The following OTOF variants were observed in gnomAD, a reference collection of about 807,000 sequenced individuals.
OTOF encodes the protein fer-1-like family member 2.
OTOF carries 218 observed loss-of-function variants against 236.8 expected under a neutral mutation model. The ratio of observed to expected loss-of-function variants is 0.92; its 90% CI spans 0.82 to 1.03. OTOF has a LOEUF of 1.03. Ranked by LOEUF, OTOF falls within the 50% of genes least tolerant of loss-of-function variation. OTOF has a pLI of 0.00. For synonymous variants in OTOF, 1,041 were observed against 1,072.5 expected (o/e 0.97, Z 0.57); for missense variants, 2,590 against 2,694.4 (o/e 0.96, Z 0.86).
chr2:26,494,673 A>G (rs1392758227), intron 9 of OTOF, among the ~76,000 whole-genome samples: 1 of 149,222 alleles, frequency 6.7e-6, no homozygotes, highest in African/African-American at 2.5e-5. Context: ...GGGTTCTTTC[A>G]CAGGCACTGC....
At chr2:26,495,561 G>T (rs1665961868) in intron 8 of OTOF, among the ~76,000 whole-genome samples, 1 of 152,154 alleles carries the variant, frequency 6.6e-6, no homozygotes, top group Admixed American at 6.5e-5. Context: ...GAGTAGCTGG[G>T]ATTACAGGCA....
In OTOF at chr2:26,457,821, C is replaced by A. The variant is rs1237373277; in HGVS notation, c.*417G>T. 1.8e-6 allele frequency: 1 copy of A among 566,626 alleles called. No homozygotes were observed. The highest frequency in any genetic ancestry group is 3.1e-6 in the Non-Finnish European group (1 of 319,426). The allele number at this position is 566,626 out of a possible 1,614,324, so 35.1% of individuals were successfully genotyped here. A position where few individuals can be genotyped will look rare whatever the true frequency, so the allele number is the denominator to read the frequency against. ...CCAGGTCCCCACCCCATCCAAGGCT[C>A]CCCAGCCCACAGGCAGGGGTCAGAG... On this transcript the variant is annotated 3_prime_UTR_variant, in exon 47 of 47. Coordinates refer to ENST00000272371, the MANE Select transcript of OTOF (RefSeq NM_194248.3). The surrounding 1 kb of genome is among the most constrained non-coding windows in gnomAD (Gnocchi z 4.4).
At chr2:26,500,433 G>A (rs945376796) in intron 8 of OTOF, among the ~76,000 whole-genome samples, 9 of 152,124 alleles carry the variant, frequency 5.9e-5, no homozygotes, top group South Asian at 4.1e-4. Flanking sequence ...AGTTGGGGTC[G>A]TTGTTCTTTG....
chr2:26,496,985 G>A (rs757157758), intron 8 of OTOF, among the ~76,000 whole-genome samples: 1 of 151,670 alleles, frequency 6.6e-6, no homozygotes, highest in Non-Finnish European at 1.5e-5. Context: ...GGGAGCTTGT[G>A]CATGATACTT....
At chr2:26,529,243 C>T (rs528483908) in intron 2 of OTOF, among the ~76,000 whole-genome samples, 5 of 152,286 alleles carry the variant, frequency 3.3e-5, no homozygotes, top group South Asian at 2.1e-4. Flanking sequence ...GTGGAGAGAC[C>T]GTGTCAGGGA....
chr2:26,463,170 T>C (rs1213728089), intron 41 of OTOF, among the ~76,000 whole-genome samples: 1 of 152,056 alleles, frequency 6.6e-6, no homozygotes, highest in Non-Finnish European at 1.5e-5. Context: ...ATGAGATGCA[T>C]GTGTATGGGC....
chr2:26,525,458 T>C (rs1041656844), intron 3 of OTOF, among the ~76,000 whole-genome samples: 3 of 152,238 alleles, frequency 2.0e-5, no homozygotes, highest in African/African-American at 7.2e-5. Flanking sequence ...GTCTGCTGTC[T>C]TCCAGCAGCC....
chr2:26,479,446 C>T, intron 17 of OTOF, 27 bp downstream of exon 17: 1 of 1,604,744 alleles, frequency 6.2e-7, no homozygotes, highest in East Asian at 2.2e-5. Flanking sequence ...AGGGCCAGGC[C>T]ACAGGAGGAT....
At chr2:26,464,728 G>A (rs906821380) in intron 39 of OTOF, 141 bp downstream of exon 39, 10 of 772,564 alleles carry the variant, frequency 1.3e-5, no homozygotes, top group African/African-American at 1.8e-5. Flanking sequence ...CTGGGGTGAT[G>A]AGCAGAGGGT....
chr2:26,531,344 C>A (rs901798981), intron 2 of OTOF, among the ~76,000 whole-genome samples: 16 of 152,360 alleles, frequency 1.1e-4, no homozygotes, highest in Non-Finnish European at 2.4e-4. Context: ...CTAGCCCTGG[C>A]TCTGCCACTC....
At chr2:26,503,056 G>A (rs1357900828) in intron 6 of OTOF, among the ~76,000 whole-genome samples, 3 of 152,136 alleles carry the variant, frequency 2.0e-5, no homozygotes, top group African/African-American at 7.2e-5. Context: ...TGAAGGGCAC[G>A]GCTGGAATTG....
At chr2:26,474,422 G>C (rs531792088) in intron 26 of OTOF, 91 bp downstream of exon 26, 1 of 693,276 alleles carries the variant, frequency 1.4e-6, no homozygotes, top group East Asian at 6.5e-5. Context: ...CAGACCCCAG[G>C]CCCCAGCCTT....
chr2:26,546,486 C>T (rs1457311229), intron 1 of OTOF, among the ~76,000 whole-genome samples: 1 of 150,270 alleles, frequency 6.7e-6, no homozygotes, highest in African/African-American at 2.4e-5. Flanking sequence ...AAAAAATCCA[C>T]ATATAAGTGG....
At position 26,470,694 on chromosome 2, in the gene OTOF, T is replaced by A; in HGVS notation, c.3922A>T (p.Lys1308Ter). The A allele has an allele frequency of 6.2e-7, 1 of 1,613,816 alleles. No homozygotes were observed. Among genetic ancestry groups the A allele is most frequent in the Non-Finnish European group, 8.5e-7 (1 of 1,179,938 alleles). ...GGCTCCTCCGCAGTGCCCTTCTTCTTCTTCTTCTTCTCCTTCTCCTCCTCA... is the reference window on the plus strand; with the variant it reads ...GGCTCCTCCGCAGTGCCCTTCTTCTACTTCTTCTTCTCCTTCTCCTCCTCA... ...VAEEEKEKKK[K>*]KKGTAEEPEE... Residue 1308 changes from lysine to a stop codon, truncating the protein, a stop_gained, in exon 32 of 47, where the codon AAG becomes TAG. Coordinates refer to ENST00000272371, the MANE Select transcript of OTOF (RefSeq NM_194248.3). LOFTEE classifies it high-confidence loss of function. The surrounding 1 kb of genome is among the most constrained non-coding windows in gnomAD (Gnocchi z 4.3).
chr2:26,515,674 C>A (rs1666506048), intron 5 of OTOF, among the ~76,000 whole-genome samples: 2 of 152,132 alleles, frequency 1.3e-5, no homozygotes, highest in African/African-American at 4.8e-5. Context: ...ACACCCTGGT[C>A]CTTCAGATGC....
At chr2:26,482,353 C>T in intron 14 of OTOF, 53 bp downstream of exon 14, 1 of 1,531,434 alleles carries the variant, frequency 6.5e-7, no homozygotes. Context: ...CATATTCCTT[C>T]CCTTCAGGCC....
intron 5 of OTOF, among the ~76,000 whole-genome samples, chr2:26,516,108 C>A (rs1393792289): frequency 6.6e-6 from 1 of 152,218 alleles, no homozygotes; most frequent in Non-Finnish European, 1.5e-5. Context: ...CCCAACTCCC[C>A]TTCTCTGAGA....
At position 26,489,240 on chromosome 2, in the gene OTOF, A is replaced by G. The variant is rs746069316; in HGVS notation, c.1016T>C (p.Met339Thr). The change falls in exon 11 of 47, where the codon ATG becomes ACG. Residue 339 changes from methionine (M) to threonine (T), a missense_variant. Coordinates refer to ENST00000272371, the MANE Select transcript of OTOF (RefSeq NM_194248.3). ...CTGCGAGTACACGGTTCCCACGTCCATTTTGAAGGAGCCCACCAGGGTGCC... is the reference window on the plus strand; with the variant it reads ...CTGCGAGTACACGGTTCCCACGTCCGTTTTGAAGGAGCCCACCAGGGTGCC... ...RSGTLVGSFK[M>T]DVGTVYSQPE... is the part of the protein sequence containing the mutation. The G allele has an allele frequency of 1.4e-5, 23 of 1,613,028 alleles. No homozygotes were observed. The highest frequency in any genetic ancestry group is 1.9e-5 in the Non-Finnish European group (22 of 1,179,798).
intron 3 of OTOF, among the ~76,000 whole-genome samples, chr2:26,526,234 A>T (rs1259408281): frequency 6.6e-6 from 1 of 151,922 alleles, no homozygotes; most frequent in Non-Finnish European, 1.5e-5. Flanking sequence ...TGATGAATGA[A>T]TGGATGAAAG....
Sources: allele counts gnomAD v4.1 joint callset (sites outside exome capture counted in the v4.1 genomes callset), GRCh38; gene constraint gnomAD v4.1.1; non-coding constraint Gnocchi (gnomAD v3.1); transcripts MANE v1.5; gene names NCBI Gene and HGNC (gene_info 2026-07-23, HGNC 2026-07-21).